STK3: variants seen among roughly 807,000 people sequenced by gnomAD.
The protein encoded by STK3 is serine/threonine-protein kinase 3.
Under a neutral mutation model 58.0 loss-of-function variants are expected in STK3, and 41 were observed. The ratio of observed to expected loss-of-function variants is 0.71; its 90% CI spans 0.55 to 0.92. The LOEUF is 0.92. STK3 is among the 40% of genes least tolerant of loss of function. STK3 has a pLI of 0.00. For missense variants in STK3, 479 were observed against 602.7 expected, an observed-to-expected ratio of 0.79 and a Z score of 2.15; for synonymous variants, 170 against 191.0, an observed-to-expected ratio of 0.89 and a Z score of 0.91.
At chr8:98,686,005 C>T (rs186561386) in intron 6 of STK3, among the ~76,000 whole-genome samples, 6 of 152,154 alleles carry the variant, frequency 3.9e-5, no homozygotes, top group East Asian at 1.9e-4. Context: ...ACTGAATAAA[C>T]GTTTTACAGT....
intron 1 of STK3, chr8:98,905,575 T>C (rs936284853): frequency 1.7e-5 from 19 of 1,093,774 alleles, no homozygotes; most frequent in African/African-American, 6.2e-5. Flanking sequence ...TTCTTAATGA[T>C]GTCACATTCC....
chr8:98,694,105 C>T (rs1380079843), intron 6 of STK3, among the ~76,000 whole-genome samples: 1 of 152,028 alleles, frequency 6.6e-6, no homozygotes, highest in Non-Finnish European at 1.5e-5. Context: ...TCTGTTTTTA[C>T]GCTGCCTATA....
the STK3 span, among the ~76,000 whole-genome samples, chr8:98,345,951 C>T: frequency 6.6e-6 from 1 of 151,944 alleles, no homozygotes; most frequent in Non-Finnish European, 1.5e-5. Context: ...ATAGAAACTA[C>T]CTAAAATGAA....
At chr8:98,498,694 C>G (rs1017979079) in intron 10 of STK3, among the ~76,000 whole-genome samples, 1 of 152,148 alleles carries the variant, frequency 6.6e-6, no homozygotes, top group Non-Finnish European at 1.5e-5. Flanking sequence ...AAAATCTGAA[C>G]CAGCTGATCC....
chr8:98,579,606 G>C (rs570004209), intron 8 of STK3, 58 bp downstream of exon 8: 4 of 1,564,324 alleles, frequency 2.6e-6, no homozygotes, highest in Non-Finnish European at 3.5e-6. Context: ...TATTTTAACA[G>C]AATTACAGAC....
intron 1 of STK3, among the ~76,000 whole-genome samples, chr8:98,910,222 A>C (rs1839075677): frequency 1.3e-5 from 2 of 152,290 alleles, no homozygotes; most frequent in Admixed American, 1.3e-4. Context: ...TAGGATAGAT[A>C]ATTTTTCTCA....
At chr8:98,648,059 A>AT in intron 6 of STK3, among the ~76,000 whole-genome samples, 1 of 152,150 alleles carries the variant, frequency 6.6e-6, no homozygotes, top group East Asian at 1.9e-4. Flanking sequence ...CCCATTCTTG[A>AT]TTTTTCCCCT....
chr8:98,591,188 G>A (rs1398448507), intron 7 of STK3, among the ~76,000 whole-genome samples: 4 of 152,200 alleles, frequency 2.6e-5, no homozygotes, highest in African/African-American at 7.2e-5. Context: ...CTGATGCTGA[G>A]CATGGAGGTA....
intron 8 of STK3, among the ~76,000 whole-genome samples, chr8:98,578,475 T>C (rs1813588949): frequency 6.6e-6 from 1 of 152,220 alleles, no homozygotes; most frequent in Non-Finnish European, 1.5e-5. Context: ...AACATGATTA[T>C]AAATCAGCTC....
intron 2 of STK3, among the ~76,000 whole-genome samples, chr8:98,769,316 G>C (rs1301837314): frequency 6.6e-6 from 1 of 152,172 alleles, no homozygotes; most frequent in African/African-American, 2.4e-5. Flanking sequence ...GACTCAGTGG[G>C]AGATGACTGA....
intron 7 of STK3, among the ~76,000 whole-genome samples, chr8:98,585,503 G>A (rs1814457768): frequency 6.6e-6 from 1 of 150,694 alleles, no homozygotes; most frequent in African/African-American, 2.4e-5. Flanking sequence ...CTGTAGCCTT[G>A]TAGTATAGTT....
intron 6 of STK3, among the ~76,000 whole-genome samples, chr8:98,616,359 G>A (rs1375526614): frequency 5.5e-5 from 8 of 144,268 alleles, no homozygotes; most frequent in African/African-American, 1.8e-4. Flanking sequence ...GCAAAATCAT[G>A]CCAAAATGTA....
the STK3 span, among the ~76,000 whole-genome samples, chr8:98,351,621 G>C: frequency 6.6e-6 from 1 of 151,960 alleles, no homozygotes; most frequent in Admixed American, 6.6e-5. Context: ...CAGAGCTGGG[G>C]GCTGCAGAGG....
chr8:98,539,917 C>T (rs1677525451), intron 9 of STK3, among the ~76,000 whole-genome samples: 1 of 152,154 alleles, frequency 6.6e-6, no homozygotes, highest in African/African-American at 2.4e-5. Flanking sequence ...CCATGCCCAG[C>T]TAATTTTTGT....
intron 10 of STK3, 43 bp downstream of exon 10, chr8:98,526,699 A>G: frequency 6.9e-7 from 1 of 1,441,660 alleles, no homozygotes; most frequent in Non-Finnish European, 9.2e-7. Flanking sequence ...ATGATAAAAT[A>G]TAGAAGGAGA....
At chr8:98,701,631 T>C (rs56191023) in intron 6 of STK3, among the ~76,000 whole-genome samples, 1 of 121,472 alleles carries the variant, frequency 8.2e-6, no homozygotes, top group South Asian at 2.4e-4. Flanking sequence ...CAAAAAAAAA[T>C]ATATATATAT....
the STK3 span, among the ~76,000 whole-genome samples, chr8:98,346,120 C>T: frequency 6.6e-6 from 1 of 151,742 alleles, no homozygotes; most frequent in Non-Finnish European, 1.5e-5. Flanking sequence ...ACCCCATCTC[C>T]ACAAAAATAC....
chr8:98,354,587 T>G, the STK3 span, among the ~76,000 whole-genome samples: 1 of 152,320 alleles, frequency 6.6e-6, no homozygotes, highest in South Asian at 2.1e-4. Flanking sequence ...CACAGTTATT[T>G]GGAGGTTTTC....
intron 3 of STK3, among the ~76,000 whole-genome samples, chr8:98,394,199 C>A (rs1021519527): frequency 4.6e-5 from 7 of 152,102 alleles, no homozygotes; most frequent in African/African-American, 1.2e-4. Context: ...GAGAAGCATG[C>A]TTAAAACCAT....
Sources: gnomAD v4.1 joint callset for allele counts (sites outside exome capture counted in the v4.1 genomes callset) on GRCh38, gnomAD v4.1.1 for gene constraint, MANE v1.5 for transcripts, NCBI Gene and HGNC (gene_info 2026-07-23, HGNC 2026-07-21) for gene names.